SLC4A1: variants seen among roughly 807,000 people sequenced by gnomAD.
SLC4A1 encodes the protein band 3 anion transport protein.
Under a neutral mutation model 93.1 loss-of-function variants are expected in SLC4A1, and 29 were observed. The ratio of observed to expected loss-of-function variants is 0.31; its 90% CI spans 0.23 to 0.42. The LOEUF is 0.42. Ranked by LOEUF, SLC4A1 falls within the 20% of genes least tolerant of loss-of-function variation. SLC4A1 has a pLI of 1.00. For missense variants in SLC4A1, 965 were observed against 1,190.1 expected, an observed-to-expected ratio of 0.81 and a Z score of 2.78; for synonymous variants, 469 against 497.2, an observed-to-expected ratio of 0.94 and a Z score of 0.76.
At chr17:44,263,707 C>CTCCTTCCTTCCTTCTTTCCTTCCT (rs2047468740) in intron 1 of SLC4A1, among the ~76,000 whole-genome samples, 1 of 140,300 alleles carries the variant, frequency 7.1e-6, no homozygotes. Context: ...CCTCCCTTCC[C>CTCCTTCCTTCCTTCTTTCCTTCCT]TCCTTCCTTC....
Position 44,254,626 on chromosome 17 carries a change from A to T in SLC4A1, c.1927T>A (p.Ser643Thr), listed in dbSNP as rs2047372584. Residue 643 changes from serine (S) to threonine (T), a missense_variant, in exon 16 of 20, where the codon TCC becomes ACC. Ser to Thr is a moderately conservative substitution (Grantham distance 58). Transcript: ENST00000262418. Reference protein sequence around the residue: ...SVPDGFKVSNSSARGWVIHPL... With the variant: ...SVPDGFKVSNTSARGWVIHPL... The stretch of plus-strand genomic sequence containing the variant: ...TGGATGACCCAGCCCCGGGCTGAGG[A>T]GTTGGACACCTTGAAGCCATCAGGC... 6.2e-7 allele frequency: 1 copy of T among 1,614,000 alleles called. No individual in the cohort carries two copies. The highest frequency in any genetic ancestry group is 8.5e-7 in the Non-Finnish European group (1 of 1,180,020).
chr17:44,264,799 G>A (rs1035138911), intron 1 of SLC4A1, among the ~76,000 whole-genome samples: 3 of 152,078 alleles, frequency 2.0e-5, no homozygotes, highest in Non-Finnish European at 2.9e-5. Context: ...CCCCAGGAAT[G>A]TGAGGGCAGG....
In SLC4A1 at chr17:44,253,248, G is replaced by T. The variant is rs370097204; in HGVS notation, c.2181C>A (p.Thr727=). Residue 727 remains threonine, a synonymous_variant, in exon 17 of 20, where the codon ACC becomes ACA. Transcript: ENST00000262418. ...TGGCATGGGTGACGGAACGCACGGT[G>T]GTGGCACTGAGCCAGGGCATCCCAA... ...ALFGMPWLSA[T]TVRSVTHANA... The T allele has an allele frequency of 1.9e-6, 3 of 1,613,918 alleles. No homozygotes were observed. In the African/African-American group the frequency reaches 4.0e-5, roughly 22 times the overall value.
At chr17:44,254,365 T>C in intron 16 of SLC4A1, 131 bp downstream of exon 16, 1 of 811,848 alleles carries the variant, frequency 1.2e-6, no homozygotes, top group South Asian at 1.5e-5. Flanking sequence ...TCACTATTCC[T>C]GCTAGTCGGG....
At chr17:44,255,636 C>T in intron 14 of SLC4A1, 37 bp downstream of exon 14, 1 of 1,604,274 alleles carries the variant, frequency 6.2e-7, no homozygotes, top group Non-Finnish European at 8.5e-7. Flanking sequence ...TGGGATAGGG[C>T]AGTGTTGGCA....
intron 15 of SLC4A1, 73 bp downstream of exon 15, chr17:44,255,134 G>T: frequency 9.6e-7 from 1 of 1,040,850 alleles, no homozygotes; most frequent in Non-Finnish European, 1.5e-6. Flanking sequence ...CTATTCTAGG[G>T]AAGGGGCATG....
At chr17:44,254,737 T>C in intron 15 of SLC4A1, 75 bp from the exon 16 acceptor site, 2 of 1,452,438 alleles carry the variant, frequency 1.4e-6, no homozygotes, top group South Asian at 2.4e-5. Context: ...GGAGCCAGGG[T>C]CCTAGGGGTC....
At chr17:44,264,374 C>T (rs532900998) in intron 1 of SLC4A1, among the ~76,000 whole-genome samples, 6 of 152,244 alleles carry the variant, frequency 3.9e-5, no homozygotes, top group Admixed American at 3.9e-4. Context: ...GGGAGGATTG[C>T]CTAAGCCTGG....
intron 3 of SLC4A1, chr17:44,261,907 T>A: frequency 9.5e-7 from 1 of 1,056,898 alleles, no homozygotes; most frequent in Non-Finnish European, 1.3e-6. Flanking sequence ...TCCGCAGTGA[T>A]GAAGTGAAGG....
intron 13 of SLC4A1, among the ~76,000 whole-genome samples, chr17:44,256,625 A>G (rs986970956): frequency 6.6e-6 from 1 of 152,216 alleles, no homozygotes; most frequent in Non-Finnish European, 1.5e-5. Context: ...GGGGGACTTC[A>G]GAGGCTCCAG....
intron 15 of SLC4A1, 52 bp from the exon 16 acceptor site, chr17:44,254,714 G>T: frequency 6.3e-7 from 1 of 1,579,214 alleles, no homozygotes; most frequent in Middle Eastern, 1.7e-4. Context: ...GATGGGGAAG[G>T]GTGGGAGCAG....
chr17:44,249,461 C>A lies in SLC4A1; in HGVS notation c.*997G>T, dbSNP rs2047320448. On this transcript the variant is annotated 3_prime_UTR_variant, in exon 20 of 20. Coordinates refer to ENST00000262418, the MANE Select transcript of SLC4A1 (RefSeq NM_000342.4). ...AATTACAAACCCCCTCACTCTCCCG[C>A]CCCTACCTTCCCACCCTCCCCCACT... The A allele has an allele frequency of 3.9e-6, 1 of 257,254 alleles. No individual in the cohort carries two copies. The highest frequency in any genetic ancestry group is 3.4e-5 in the South Asian group (1 of 29,300). 15.9% of individuals were successfully genotyped at this position (257,254 alleles called of 1,614,324 possible).
chr17:44,254,956 A>G (rs1178889036), intron 15 of SLC4A1, among the ~76,000 whole-genome samples: 3 of 152,148 alleles, frequency 2.0e-5, no homozygotes, highest in Non-Finnish European at 2.9e-5. Flanking sequence ...CCTGGCTCCA[A>G]AGAATACTTC....
At position 44,262,035 on chromosome 17, in the gene SLC4A1, A is replaced by G. The variant is rs913513168; in HGVS notation, c.107-399T>C. 12 of 1,177,904 alleles carry G rather than the reference A, an allele frequency of 1.0e-5. No homozygotes were observed. The East Asian group carries it at 3.5e-4, about 34-fold the overall frequency. The allele number at this position is 1,177,904 out of a possible 1,614,324, so 73.0% of individuals were successfully genotyped here. ...CCCTTCTCTCCTCCCACCTGCCTCA[A>G]TGAGCCCGTCAGCACAGTGTCTCAC... On this transcript the variant is annotated intron_variant, in intron 3 of 19. Transcript: ENST00000262418.
In SLC4A1 at chr17:44,254,571, A is replaced by G. The variant is rs757109598; in HGVS notation, c.1982T>C (p.Ile661Thr). 3.1e-6 allele frequency: 5 copies of G among 1,614,088 alleles called. No individual in the cohort carries two copies. The Admixed American group carries it at 6.7e-5, about 22-fold the overall frequency. The change falls in exon 16 of 20, where the codon ATC becomes ACC. Residue 661 changes from isoleucine (I) to threonine (T), a missense_variant. By Grantham distance (89) the Ile-to-Thr change is moderately conservative. This residue lies in a region of SLC4A1 where 770 missense variants were observed against 1,006.6 expected (regional missense o/e 0.76). Transcript: ENST00000262418. ...HPLGLRSEFP[I>T]WMMFASALPA... ...CAGGGCGGAGGCAAACATCATCCAG[A>G]TGGGAAACTCGGAACGCAAGCCCAG... is the stretch of plus-strand genomic sequence containing the variant.
Position 44,260,608 on chromosome 17 carries a change from G to A in SLC4A1, c.349+27C>T, listed in dbSNP as rs2074107. The A allele has an allele frequency of 0.21, 333,372 of 1,613,908 alleles. 36,331 individuals carry two copies. Among genetic ancestry groups the A allele is most frequent in the African/African-American group, 0.32 (24,295 of 74,962 alleles). ...CCCCACAACAATCCTCATCTGCAGG[G>A]GGTCCAGAAGGGCCCAGGAGGCTCA... On this transcript the variant is annotated intron_variant, in intron 5 of 19. Coordinates refer to ENST00000262418, the MANE Select transcript of SLC4A1 (RefSeq NM_000342.4).
intron 17 of SLC4A1, 75 bp from the exon 18 acceptor site, chr17:44,251,663 G>A (rs1229012429): frequency 6.5e-6 from 9 of 1,389,772 alleles, no homozygotes; most frequent in Non-Finnish European, 8.1e-6. Context: ...CCCCTATCTG[G>A]GGCTGGGAAT....
Position 44,265,487 on chromosome 17 carries a change from A to G in SLC4A1, c.-68-2553T>C, listed in dbSNP as rs867227108. 2.0e-5 allele frequency among the ~76,000 whole-genome samples: 3 copies of G among 152,144 alleles called. 1 individual carries two copies. Among genetic ancestry groups the G allele is most frequent in the Middle Eastern group, 6.8e-3 (2 of 294 alleles). ...TGGGTTCACGCCATTCTCCTGCCTC[A>G]GCCTCCCGAGTAGCTGGGACTACAG... On this transcript the variant is annotated intron_variant, in intron 1 of 19. Transcript: ENST00000262418.
Position 44,260,629 on chromosome 17 carries a change from G to A in SLC4A1, c.349+6C>T, listed in dbSNP as rs1159640914. The A allele has an allele frequency of 2.5e-6, 4 of 1,614,112 alleles. No homozygotes were observed. The highest frequency in any genetic ancestry group is 3.4e-6 in the Non-Finnish European group (4 of 1,179,978). On this transcript the variant is annotated splice_donor_region_variant and intron_variant, in intron 5 of 19. Transcript: ENST00000262418. ...CAGGGGGTCCAGAAGGGCCCAGGAG[G>A]CTCACCCTTGGTGAAGACTCTACGC...
Sources: gnomAD v4.1 joint callset for allele counts (sites outside exome capture counted in the v4.1 genomes callset) on GRCh38, gnomAD v4.1.1 for gene constraint, gnomAD v4.1.1 regional missense constraint, MANE v1.5 for transcripts, NCBI Gene and HGNC (gene_info 2026-07-23, HGNC 2026-07-21) for gene names.